Variants in OCRL observed in about 807,000 individuals in gnomAD.
The protein encoded by OCRL is inositol polyphosphate 5-phosphatase OCRL.
In OCRL, 8 loss-of-function variants were observed where a neutral mutation model predicts 78.9. The ratio of observed to expected loss-of-function variants is 0.10; its 90% CI spans 0.06 to 0.18. OCRL has a LOEUF of 0.18. Ranked by LOEUF, OCRL falls within the 10% of genes least tolerant of loss-of-function variation. The pLI, the probability that OCRL is intolerant of heterozygous loss-of-function variation, is 1.00. For synonymous variants in OCRL, 240 were observed against 235.4 expected, an observed-to-expected ratio of 1.02 and a Z score of -0.18; for missense variants, 454 against 696.7, an observed-to-expected ratio of 0.65 and a Z score of 3.92.
chrX:129,583,985 C>G (rs1342002205), intron 18 of OCRL, among the ~76,000 whole-genome samples: 2 of 110,120 alleles, frequency 1.8e-5, no homozygotes, highest in East Asian at 2.9e-4. Context: ...CAGCCATATT[C>G]TTTCATTGAG....
intron 15 of OCRL, among the ~76,000 whole-genome samples, chrX:129,569,849 T>TA (rs1453449424): frequency 2.0e-5 from 2 of 99,205 alleles, no homozygotes; most frequent in African/African-American, 7.3e-5. Flanking sequence ...TCTTTTTTTT[T>TA]TTTTTTTTTT....
chrX:129,549,764 A>G (rs1935934845), intron 4 of OCRL: 1 of 112,570 alleles, frequency 8.9e-6, no homozygotes, highest in African/African-American at 3.2e-5. Context: ...GATGTGGAGA[A>G]GTATTTGATT....
At chrX:129,572,669 A>T (rs973198549) in intron 15 of OCRL, among the ~76,000 whole-genome samples, 12 of 111,975 alleles carry the variant, frequency 1.1e-4, no homozygotes, top group Admixed American at 9.5e-4. Context: ...TAGGGTTCCA[A>T]CCCTGCACTT....
In OCRL at chrX:129,591,502, ATAAAT is replaced by A; in HGVS notation, c.*1236_*1240del. ...CTCTGTGGTACAGCCTTTTTTTAAAATAAATTAATCTATATTGGTTGACAAACAAG... is the reference window on the plus strand; with the variant it reads ...CTCTGTGGTACAGCCTTTTTTTAAAATAATCTATATTGGTTGACAAACAAG... On this transcript the variant is annotated 3_prime_UTR_variant, in exon 24 of 24. Transcript: ENST00000371113. 1 of 112,369 alleles carries A rather than the reference ATAAAT, an allele frequency of 8.9e-6. No homozygotes were observed. The allele number at this position is 112,369 out of a possible 1,213,427, so 9.3% of individuals were successfully genotyped here. A position where few individuals can be genotyped will look rare whatever the true frequency, so the allele number is the denominator to read the frequency against.
chrX:129,579,541 C>G (rs1936414943), intron 18 of OCRL, among the ~76,000 whole-genome samples: 1 of 111,926 alleles, frequency 8.9e-6, no homozygotes, highest in South Asian at 3.7e-4. Flanking sequence ...ATCTTCCCAC[C>G]AAATGCAGAA....
At chrX:129,562,177 T>G (rs1936154715) in intron 10 of OCRL, among the ~76,000 whole-genome samples, 1 of 111,873 alleles carries the variant, frequency 8.9e-6, no homozygotes, top group African/African-American at 3.2e-5. Flanking sequence ...CCCTCCCAGC[T>G]TTTAACTCTT....
intron 13 of OCRL, 102 bp from the exon 14 acceptor site, chrX:129,567,152 G>A: frequency 1.8e-6 from 1 of 569,641 alleles, no homozygotes; most frequent in Non-Finnish European, 3.1e-6. Context: ...AAAGGTTGTG[G>A]AACTAGATAC....
At chrX:129,545,901 A>C (rs893268929) in intron 3 of OCRL, among the ~76,000 whole-genome samples, 2 of 110,941 alleles carry the variant, frequency 1.8e-5, no homozygotes, top group Non-Finnish European at 3.8e-5. Flanking sequence ...TTTTGTAGTG[A>C]CGGGGTTTCG....
chrX:129,552,638 T>C (rs1602776054), intron 4 of OCRL, among the ~76,000 whole-genome samples: 1 of 112,180 alleles, frequency 8.9e-6, no homozygotes, highest in Non-Finnish European at 1.9e-5. Context: ...TTGGCCAGGC[T>C]GGTCTGGAAC....
chrX:129,540,937 A>G, intron 2 of OCRL, 114 bp downstream of exon 2: 2 of 606,352 alleles, frequency 3.3e-6, no homozygotes, highest in Non-Finnish European at 5.7e-6. Context: ...CAACAGGTTC[A>G]GGTCCAGGTG....
At chrX:129,570,165 T>A (rs1936280905) in intron 15 of OCRL, among the ~76,000 whole-genome samples, 1 of 112,303 alleles carries the variant, frequency 8.9e-6, no homozygotes, top group South Asian at 3.7e-4. Context: ...ATTTAATTTG[T>A]TACAGCCAGT....
intron 3 of OCRL, among the ~76,000 whole-genome samples, chrX:129,546,428 C>CT (rs1935879560): frequency 8.9e-6 from 1 of 112,576 alleles, no homozygotes; most frequent in South Asian, 3.7e-4. Flanking sequence ...CTGCACATCT[C>CT]TTATTTCCTC....
intron 19 of OCRL, among the ~76,000 whole-genome samples, chrX:129,584,708 A>G (rs1936487663): frequency 8.9e-6 from 1 of 112,259 alleles, no homozygotes; most frequent in Admixed American, 9.5e-5. Context: ...TCCAATGACA[A>G]TAAAACCTGA....
intron 22 of OCRL, 87 bp downstream of exon 22, chrX:129,589,100 C>A: frequency 9.5e-7 from 1 of 1,051,469 alleles, no homozygotes; most frequent in Non-Finnish European, 1.3e-6. Context: ...AGGCAGCCAG[C>A]TGTCTGGTAG....
In OCRL at chrX:129,552,096, C is replaced by T. The variant is rs186977145; in HGVS notation, c.238+3495C>T. On this transcript the variant is annotated intron_variant, in intron 4 of 23. Transcript: ENST00000371113. Reference sequence around the variant, plus strand: ...ATTTTGAGATTTCAAAAATGAGAATCGTATGAAGGATTTTATGCTGGGGTG... The same window carrying T: ...ATTTTGAGATTTCAAAAATGAGAATTGTATGAAGGATTTTATGCTGGGGTG... Among the ~76,000 whole-genome samples the T allele has an allele frequency of 1.3e-4, 14 of 111,742 alleles. No individual in the cohort carries two copies. The East Asian group carries it at 2.8e-3, about 22-fold the overall frequency.
intron 3 of OCRL, among the ~76,000 whole-genome samples, chrX:129,547,524 CAA>C (rs1177506776): frequency 1.1e-4 from 4 of 34,983 alleles, no homozygotes; most frequent in South Asian, 1.6e-3. Context: ...GACTCCGTCT[CAA>C]AAAAAAAAAA....
intron 2 of OCRL, among the ~76,000 whole-genome samples, chrX:129,544,688 C>G (rs1166211063): frequency 9.0e-6 from 1 of 111,379 alleles, no homozygotes; most frequent in Non-Finnish European, 1.9e-5. Flanking sequence ...TACTCTGAAG[C>G]TATATACTCT....
Position 129,569,264 on chromosome X carries a change from T to C in OCRL, c.1467T>C (p.Ser489=), listed in dbSNP as rs142398161. The change falls in exon 15 of 24, where the codon AGT becomes AGC. Residue 489 remains serine, a splice_region_variant and synonymous_variant. Transcript: ENST00000371113. ...YDSKTDRWDS[S]GKCRVPAWCD... is the part of the protein sequence containing the mutation. ...TTATAACTCGTTTCTTTACTTACAG[T>C]GGGAAATGCCGGGTTCCAGCCTGGT... 10 of 1,209,636 alleles carry C rather than the reference T, an allele frequency of 8.3e-6. No homozygotes were observed. Among genetic ancestry groups the C allele is most frequent in the Non-Finnish European group, 1.1e-5 (10 of 894,737 alleles).
At position 129,591,381 on chromosome X, in the gene OCRL, T is replaced by A. The variant is rs1936584564; in HGVS notation, c.*1111T>A. The A allele has an allele frequency of 8.9e-6, 1 of 112,347 alleles. No individual in the cohort carries two copies. Among genetic ancestry groups the A allele is most frequent in the Non-Finnish European group, 1.9e-5 (1 of 53,289 alleles). 9.3% of individuals were successfully genotyped at this position (112,347 alleles called of 1,213,427 possible). A position where few individuals can be genotyped will look rare whatever the true frequency, so the allele number is the denominator to read the frequency against. On this transcript the variant is annotated 3_prime_UTR_variant, in exon 24 of 24. Transcript: ENST00000371113. ...GACTCCCCTTGGCTCCCAGTCACCA[T>A]ATCCAGTGTTGTGTAAAGAGACTGG...
Sources: allele counts gnomAD v4.1 joint callset (sites outside exome capture counted in the v4.1 genomes callset), GRCh38; gene constraint gnomAD v4.1.1; transcripts MANE v1.5; gene names NCBI Gene and HGNC (gene_info 2026-07-23, HGNC 2026-07-21).